PTPRG: variants seen among roughly 807,000 people sequenced by gnomAD.
The protein encoded by PTPRG is protein tyrosine phosphatase receptor type G.
In PTPRG, 102 loss-of-function variants were observed where a neutral mutation model predicts 165.3. The ratio of observed to expected loss-of-function variants is 0.62; its 90% CI spans 0.53 to 0.73. PTPRG has a LOEUF of 0.73. Among genes scored for constraint, PTPRG ranks in the 30% least tolerant of loss-of-function variants. PTPRG has a pLI of 0.00. For missense variants in PTPRG, 1,866 were observed against 1,861.4 expected, an observed-to-expected ratio of 1.00 and a Z score of -0.05; for synonymous variants, 675 against 669.5, an observed-to-expected ratio of 1.01 and a Z score of -0.13.
rs145436718 is a variant in PTPRG at position 62,213,812 on chromosome 3, G to A, written c.2156-5039G>A. ...GTATACTCAGGGCCACATTTTGTGT[G>A]TTGTAGTAGTCCTAGCAGCTTGCTG... is the stretch of plus-strand genomic sequence containing the variant. On this transcript the variant is annotated intron_variant, in intron 12 of 29. Transcript: ENST00000474889. The surrounding 1 kb of genome is among the most constrained non-coding windows in gnomAD (Gnocchi z 4.4). Among the ~76,000 whole-genome samples the A allele has an allele frequency of 6.5e-4, 99 of 152,318 alleles. 1 individual carries two copies. Among genetic ancestry groups the A allele is most frequent in the Middle Eastern group, 6.8e-3 (2 of 294 alleles).
At chr3:62,064,322 C>G (rs1201280427) in intron 4 of PTPRG, among the ~76,000 whole-genome samples, 1 of 152,164 alleles carries the variant, frequency 6.6e-6, no homozygotes, top group Non-Finnish European at 1.5e-5. Flanking sequence ...CCACAGGACA[C>G]AAACTATACT....
intron 1 of PTPRG, among the ~76,000 whole-genome samples, chr3:61,653,451 A>G (rs142059941): frequency 3.4e-4 from 35 of 102,994 alleles, no homozygotes; most frequent in Non-Finnish European, 3.8e-5. Context: ...AATGTTGGAC[A>G]TTTTATTTGT....
chr3:61,831,071 G>T (rs943414158), intron 2 of PTPRG, among the ~76,000 whole-genome samples: 2 of 152,148 alleles, frequency 1.3e-5, no homozygotes, highest in African/African-American at 4.8e-5. Context: ...GAGGAATATC[G>T]GGTCAGTGAT....
At chr3:62,164,579 T>C (rs769624631) in intron 7 of PTPRG, among the ~76,000 whole-genome samples, 6 of 152,174 alleles carry the variant, frequency 3.9e-5, no homozygotes, top group Non-Finnish European at 8.8e-5. Flanking sequence ...TATAATATCA[T>C]TCAGGTCATC....
At chr3:61,597,286 C>A (rs116438585) in intron 1 of PTPRG, among the ~76,000 whole-genome samples, 14 of 152,172 alleles carry the variant, frequency 9.2e-5, no homozygotes, top group African/African-American at 3.4e-4. Flanking sequence ...CTGTATTATC[C>A]GCCCTCCATA....
intron 2 of PTPRG, among the ~76,000 whole-genome samples, chr3:61,922,842 T>A (rs780444946): frequency 2.6e-5 from 4 of 152,182 alleles, no homozygotes; most frequent in Non-Finnish European, 5.9e-5. Context: ...AGTTTAGCCA[T>A]GTTGCCGAGG....
intron 2 of PTPRG, among the ~76,000 whole-genome samples, chr3:61,859,957 G>A (rs1361098009): frequency 6.6e-6 from 1 of 152,078 alleles, no homozygotes; most frequent in East Asian, 1.9e-4. Flanking sequence ...TCTTTCATAA[G>A]CAACTGCTCT....
At chr3:61,846,480 A>G (rs1430652377) in intron 2 of PTPRG, among the ~76,000 whole-genome samples, 1 of 152,108 alleles carries the variant, frequency 6.6e-6, no homozygotes, top group African/African-American at 2.4e-5. Flanking sequence ...AGGCTCATTG[A>G]CCTTGAATAA....
intron 5 of PTPRG, among the ~76,000 whole-genome samples, chr3:62,091,085 C>T (rs182029320): frequency 1.3e-3 from 192 of 152,234 alleles, no homozygotes; most frequent in African/African-American, 4.2e-3. Context: ...TAATTAGCAA[C>T]GACTAGGGTT....
intron 5 of PTPRG, among the ~76,000 whole-genome samples, chr3:62,097,964 T>C (rs1351692297): frequency 6.6e-6 from 1 of 152,266 alleles, no homozygotes; most frequent in Admixed American, 6.5e-5. Context: ...GACTAATAAC[T>C]ACTACCATCA....
At chr3:61,647,653 G>C (rs537573879) in intron 1 of PTPRG, among the ~76,000 whole-genome samples, 2 of 152,036 alleles carry the variant, frequency 1.3e-5, no homozygotes, top group Non-Finnish European at 2.9e-5. Flanking sequence ...TTAGCCGGGC[G>C]TGGTGGCAGG....
intron 1 of PTPRG, among the ~76,000 whole-genome samples, chr3:61,616,475 G>A (rs1009539963): frequency 6.6e-6 from 1 of 152,046 alleles, no homozygotes; most frequent in African/African-American, 2.4e-5. Flanking sequence ...GGTGAAACTG[G>A]GCTCCGACTG....
intron 4 of PTPRG, among the ~76,000 whole-genome samples, chr3:62,066,207 G>A (rs942306579): frequency 1.3e-5 from 2 of 152,080 alleles, no homozygotes; most frequent in East Asian, 1.9e-4. Context: ...ATGACGAGGT[G>A]GAAAATACAA....
chr3:62,275,342 T>C (rs1484920182), intron 23 of PTPRG, among the ~76,000 whole-genome samples: 1 of 29,784 alleles, frequency 3.4e-5, no homozygotes, highest in African/African-American at 1.4e-4. Context: ...ACGTAGGTCT[T>C]TTATGCCAGT....
intron 4 of PTPRG, among the ~76,000 whole-genome samples, chr3:62,036,983 G>GCACACACACACACACACACACACA (rs10587372): frequency 6.6e-6 from 1 of 150,456 alleles, no homozygotes; most frequent in African/African-American, 2.4e-5. Flanking sequence ...GCGCGCGCAC[G>GCACACACACACACACACACACACA]CACACACACA....
intron 1 of PTPRG, among the ~76,000 whole-genome samples, chr3:61,689,925 T>G (rs115737715): frequency 0.018 from 2,707 of 152,330 alleles, 35 homozygotes; most frequent in South Asian, 0.05. Flanking sequence ...CTGAAGATTT[T>G]CTAGCTAGAA....
At chr3:61,825,325 C>T (rs139568887) in intron 2 of PTPRG, among the ~76,000 whole-genome samples, 32 of 152,102 alleles carry the variant, frequency 2.1e-4, no homozygotes, top group Non-Finnish European at 1.5e-5. Context: ...TAAGACTGGT[C>T]ATACTGAACA....
rs576666421 is a variant in PTPRG, at chr3:61,569,991, C to T, written c.85+7619C>T. Among the ~76,000 whole-genome samples, 15 of 152,232 alleles carry T rather than the reference C, an allele frequency of 9.9e-5. No individual in the cohort carries two copies. The South Asian group carries it at 2.7e-3, about 27-fold the overall frequency. On this transcript the variant is annotated intron_variant, in intron 1 of 29. Coordinates refer to ENST00000474889, the MANE Select transcript of PTPRG (RefSeq NM_002841.4). ...TTCCAAATCCCTGTGTAGAAAGAGT[C>T]GCCTAGTCCTGCACCCTCAGATGTT... is the stretch of plus-strand genomic sequence containing the variant.
intron 1 of PTPRG, among the ~76,000 whole-genome samples, chr3:61,563,681 G>C (rs1699828637): frequency 6.6e-6 from 1 of 152,228 alleles, no homozygotes; most frequent in Non-Finnish European, 1.5e-5. Flanking sequence ...TGTGCCCCGA[G>C]GTCTCCGCTC....
Sources: gnomAD v4.1 joint callset for allele counts (sites outside exome capture counted in the v4.1 genomes callset) on GRCh38, gnomAD v4.1.1 for gene constraint, Gnocchi (gnomAD v3.1) non-coding constraint, MANE v1.5 for transcripts, NCBI Gene and HGNC (gene_info 2026-07-23, HGNC 2026-07-21) for gene names.